Variants in MEGF11 observed in about 807,000 individuals in gnomAD.
The protein encoded by MEGF11 is multiple epidermal growth factor-like domains protein 11.
A neutral mutation model predicts 146.6 loss-of-function variants in MEGF11; 126 were observed. The ratio of observed to expected loss-of-function variants is 0.86; its 90% CI spans 0.74 to 1.00. The LOEUF (loss-of-function observed/expected upper bound fraction) is 1.00. Among genes scored for constraint, MEGF11 ranks in the 50% least tolerant of loss-of-function variants. The pLI, the probability that MEGF11 is intolerant of heterozygous loss-of-function variation, is 0.00. For missense variants in MEGF11, 1,509 were observed against 1,521.2 expected (o/e 0.99, Z 0.13); for synonymous variants, 532 against 583.4 (o/e 0.91, Z 1.27).
chr15:65,934,750 G>T (rs544130778), intron 10 of MEGF11, among the ~76,000 whole-genome samples: 7 of 152,294 alleles, frequency 4.6e-5, no homozygotes, highest in African/African-American at 1.4e-4. Flanking sequence ...ATGTAACGAA[G>T]TCTCCATAAA....
chr15:65,998,125 G>A (rs2082255619), intron 5 of MEGF11, among the ~76,000 whole-genome samples: 1 of 152,132 alleles, frequency 6.6e-6, no homozygotes, highest in African/African-American at 2.4e-5. Context: ...TAAGAGCAAT[G>A]GGAAGCACTT....
At chr15:65,948,826 AGTGTGT>A (rs56678880) in intron 10 of MEGF11, among the ~76,000 whole-genome samples, 1 of 151,050 alleles carries the variant, frequency 6.6e-6, no homozygotes, top group Non-Finnish European at 1.5e-5. Flanking sequence ...TGGGTACTGG[AGTGTGT>A]GTGTGTGTGT....
intron 5 of MEGF11, among the ~76,000 whole-genome samples, chr15:66,037,937 C>G (rs1439834991): frequency 6.6e-6 from 1 of 152,202 alleles, no homozygotes; most frequent in African/African-American, 2.4e-5. Flanking sequence ...CACATGATAC[C>G]TGGAGGTTTG....
intron 1 of MEGF11, among the ~76,000 whole-genome samples, chr15:66,171,538 G>C (rs2090256637): frequency 6.6e-6 from 1 of 152,122 alleles, no homozygotes; most frequent in South Asian, 2.1e-4. Context: ...GGAGAGGTGG[G>C]AGGAGGAGGG....
At chr15:66,046,392 G>A (rs1222808014) in intron 5 of MEGF11, among the ~76,000 whole-genome samples, 1 of 152,220 alleles carries the variant, frequency 6.6e-6, no homozygotes, top group African/African-American at 2.4e-5. Flanking sequence ...GACTCCAGAA[G>A]TGTAGGTACC....
chr15:66,007,803 C>T (rs143459596), intron 5 of MEGF11, among the ~76,000 whole-genome samples: 4 of 152,306 alleles, frequency 2.6e-5, no homozygotes, highest in African/African-American at 9.6e-5. Flanking sequence ...TCTCATTACC[C>T]CTTCACCCAG....
chr15:66,240,466 A>G (rs539970478), intron 1 of MEGF11, among the ~76,000 whole-genome samples: 45 of 152,318 alleles, frequency 3.0e-4, no homozygotes, highest in African/African-American at 1.1e-3. Flanking sequence ...CTTCCGGTGA[A>G]CAATTTATAC....
chr15:66,226,718 G>T (rs2091860924), intron 1 of MEGF11, among the ~76,000 whole-genome samples: 1 of 152,048 alleles, frequency 6.6e-6, no homozygotes, highest in African/African-American at 2.4e-5. Context: ...CTATATAGGG[G>T]TCGGTACTGT....
intron 1 of MEGF11, among the ~76,000 whole-genome samples, chr15:66,176,196 C>T (rs1389183370): frequency 6.6e-6 from 1 of 152,126 alleles, no homozygotes; most frequent in Non-Finnish European, 1.5e-5. Flanking sequence ...GGAACTCTTA[C>T]AAGCTGTGGG....
rs57942914 is a variant in MEGF11, at chr15:66,042,378, G to C, written c.394+52024C>G. 6.1e-4 allele frequency among the ~76,000 whole-genome samples: 93 copies of C among 152,156 alleles called. 1 individual carries two copies. The East Asian group carries it at 0.014, about 23-fold the overall frequency. ...GCCCACTTCGGCCTCCCAAAGTGCT[G>C]GGATTACAGGCATGAGCCACCACAC... is the stretch of plus-strand genomic sequence containing the variant. On this transcript the variant is annotated intron_variant, in intron 5 of 25. Transcript: ENST00000395614.
intron 5 of MEGF11, among the ~76,000 whole-genome samples, chr15:66,035,303 C>T (rs2083687083): frequency 6.6e-6 from 1 of 151,286 alleles, no homozygotes; most frequent in East Asian, 1.9e-4. Context: ...CTGCTGCTGC[C>T]GCTGGTGCTG....
intron 5 of MEGF11, among the ~76,000 whole-genome samples, chr15:65,991,831 A>T (rs367590645): frequency 1.2e-4 from 19 of 152,346 alleles, no homozygotes; most frequent in African/African-American, 1.7e-4. Context: ...GACTGTATCC[A>T]TCTAGGGCTC....
intron 1 of MEGF11, among the ~76,000 whole-genome samples, chr15:66,244,132 G>T (rs1027656880): frequency 6.6e-6 from 1 of 152,130 alleles, no homozygotes; most frequent in African/African-American, 2.4e-5. Context: ...CCTGAGAAGT[G>T]CCTGCTCAAC....
chr15:65,929,798 C>T lies in MEGF11; in HGVS notation c.1494G>A (p.Gly498=). 1 of 1,569,824 alleles carries T rather than the reference C, an allele frequency of 6.4e-7. No homozygotes were observed. Among genetic ancestry groups the T allele is most frequent in the Non-Finnish European group, 8.6e-7 (1 of 1,157,518 alleles). Residue 498 remains glycine, a synonymous_variant, in exon 12 of 26, where the codon GGG becomes GGA. Transcript: ENST00000395614. ...AGCCGTCTATGGGGCTGCAGGCTGC[C>T]CCATTGGCACAGGTGCAGCTCTCGT... ...NCNESCTCAN[G]AACSPIDGSC... is the part of the protein sequence containing the mutation.
chr15:65,950,230 G>A (rs903871500), intron 10 of MEGF11, among the ~76,000 whole-genome samples: 13 of 152,184 alleles, frequency 8.5e-5, no homozygotes, highest in Admixed American at 4.6e-4. Flanking sequence ...CTTTATATTT[G>A]CTAATTAATT....
chr15:66,073,158 C>T (rs529793022), intron 5 of MEGF11, among the ~76,000 whole-genome samples: 2 of 152,332 alleles, frequency 1.3e-5, no homozygotes, highest in African/African-American at 4.8e-5. Flanking sequence ...ACCTCCGCCT[C>T]GCCAGCCTGA....
intron 1 of MEGF11, among the ~76,000 whole-genome samples, chr15:66,174,323 A>G (rs760440685): frequency 6.6e-5 from 10 of 152,192 alleles, no homozygotes; most frequent in Non-Finnish European, 1.2e-4. Context: ...ACCTCTGGTA[A>G]CAGCCCTATC....
chr15:66,049,836 C>T (rs901941116), intron 5 of MEGF11, among the ~76,000 whole-genome samples: 1 of 152,204 alleles, frequency 6.6e-6, no homozygotes. Context: ...CACCCTTCTC[C>T]CAGAGCTGAT....
chr15:66,045,308 G>T (rs906514682), intron 5 of MEGF11, among the ~76,000 whole-genome samples: 1 of 152,198 alleles, frequency 6.6e-6, no homozygotes, highest in Non-Finnish European at 1.5e-5. Context: ...CCCTGTGGCT[G>T]TAGAACCCAG....
Sources: allele counts gnomAD v4.1 joint callset (sites outside exome capture counted in the v4.1 genomes callset), GRCh38; gene constraint gnomAD v4.1.1; transcripts MANE v1.5; gene names NCBI Gene and HGNC (gene_info 2026-07-23, HGNC 2026-07-21).